Variants in NKAIN2 observed in about 807,000 individuals in gnomAD.
NKAIN2 encodes the protein sodium/potassium transporting ATPase interacting 2.
NKAIN2 carries 14 observed loss-of-function variants against 32.6 expected under a neutral mutation model. The observed-to-expected ratio is 0.43, with a 90% confidence interval of 0.28 to 0.67. The LOEUF is 0.67. NKAIN2 is among the 30% of genes least tolerant of loss of function. The probability of loss-of-function intolerance (pLI) is 0.17; values close to 1 mark genes in which losing one functional copy is unlikely to be tolerated. For missense variants in NKAIN2, 198 were observed against 258.3 expected, an observed-to-expected ratio of 0.77 and a Z score of 1.60; for synonymous variants, 80 against 87.2, an observed-to-expected ratio of 0.92 and a Z score of 0.46.
At chr6:124,772,283 T>C (rs1778791754) in intron 4 of NKAIN2, among the ~76,000 whole-genome samples, 2 of 152,118 alleles carry the variant, frequency 1.3e-5, no homozygotes, top group Non-Finnish European at 2.9e-5. Flanking sequence ...GGTGTAAACA[T>C]TGTCAATGAT....
At chr6:124,303,243 A>G (rs1164113893) in intron 2 of NKAIN2, among the ~76,000 whole-genome samples, 1 of 152,236 alleles carries the variant, frequency 6.6e-6, no homozygotes, top group African/African-American at 2.4e-5. Flanking sequence ...TCTTCCATGA[A>G]ATGACCATAT....
chr6:124,333,828 T>C (rs1428081269), intron 2 of NKAIN2, among the ~76,000 whole-genome samples: 1 of 152,166 alleles, frequency 6.6e-6, no homozygotes, highest in East Asian at 1.9e-4. Context: ...TTTATCCTTT[T>C]TGTCCTTAAA....
At chr6:124,200,152 G>T (rs773261021) in intron 1 of NKAIN2, among the ~76,000 whole-genome samples, 1 of 152,104 alleles carries the variant, frequency 6.6e-6, no homozygotes, top group East Asian at 1.9e-4. Context: ...ATGAAATAAA[G>T]TAAGTTATGA....
chr6:124,591,102 A>G (rs1399271163), intron 3 of NKAIN2, among the ~76,000 whole-genome samples: 3 of 152,226 alleles, frequency 2.0e-5, no homozygotes, highest in African/African-American at 7.2e-5. Context: ...ACATATGCCA[A>G]CTTCCCTTGT....
chr6:124,703,006 G>A (rs1774875207), intron 4 of NKAIN2, among the ~76,000 whole-genome samples: 1 of 152,004 alleles, frequency 6.6e-6, no homozygotes, highest in South Asian at 2.1e-4. Flanking sequence ...GTCATCTTGA[G>A]CTCATGTGCT....
intron 2 of NKAIN2, among the ~76,000 whole-genome samples, chr6:124,297,879 C>CT (rs1026163668): frequency 6.6e-6 from 1 of 152,052 alleles, no homozygotes; most frequent in Admixed American, 6.6e-5. Context: ...GAATCTGAGG[C>CT]TAAAAACCTG....
intron 1 of NKAIN2, among the ~76,000 whole-genome samples, chr6:123,980,884 T>G (rs1778859189): frequency 6.6e-6 from 1 of 151,944 alleles, no homozygotes; most frequent in Non-Finnish European, 1.5e-5. Flanking sequence ...CCTTTTTTTT[T>G]TTTTGAGATG....
chr6:124,364,519 A>G (rs1302702483), intron 3 of NKAIN2, among the ~76,000 whole-genome samples: 2 of 152,046 alleles, frequency 1.3e-5, no homozygotes, highest in Admixed American at 6.6e-5. Flanking sequence ...GAGGTGCCAA[A>G]GATAAAAGAC....
chr6:124,152,634 C>T (rs763921045), intron 1 of NKAIN2, among the ~76,000 whole-genome samples: 5 of 151,800 alleles, frequency 3.3e-5, no homozygotes, highest in East Asian at 1.9e-4. Flanking sequence ...ATAGAATTAC[C>T]GTATGATCCA....
At chr6:124,152,642 C>T (rs995264986) in intron 1 of NKAIN2, among the ~76,000 whole-genome samples, 3 of 151,876 alleles carry the variant, frequency 2.0e-5, no homozygotes, top group Non-Finnish European at 4.4e-5. Context: ...ACCGTATGAT[C>T]CACCAATCCA....
At chr6:124,218,475 G>C (rs1293629111) in intron 1 of NKAIN2, among the ~76,000 whole-genome samples, 1 of 152,058 alleles carries the variant, frequency 6.6e-6, no homozygotes, top group Non-Finnish European at 1.5e-5. Context: ...AACATTTCTT[G>C]ATTCTTAATA....
chr6:124,047,448 C>CTATA (rs552782793), intron 1 of NKAIN2, among the ~76,000 whole-genome samples: 2,989 of 151,108 alleles, frequency 0.02, 54 homozygotes, highest in South Asian at 0.08. Flanking sequence ...CTCTCTCTCT[C>CTATA]TATATATATA....
intron 3 of NKAIN2, among the ~76,000 whole-genome samples, chr6:124,632,695 A>AATAG (rs1272123361): frequency 6.6e-6 from 1 of 152,112 alleles, no homozygotes; most frequent in Non-Finnish European, 1.5e-5. Flanking sequence ...ATCCAAATGA[A>AATAG]ATAGATACAT....
At chr6:124,233,856 A>G (rs1792594860) in intron 1 of NKAIN2, among the ~76,000 whole-genome samples, 1 of 152,182 alleles carries the variant, frequency 6.6e-6, no homozygotes, top group Non-Finnish European at 1.5e-5. Context: ...ACTATACTAT[A>G]CGAACATTCC....
intron 3 of NKAIN2, among the ~76,000 whole-genome samples, chr6:124,540,280 A>G (rs1192833586): frequency 6.6e-6 from 1 of 152,232 alleles, no homozygotes; most frequent in African/African-American, 2.4e-5. Context: ...AGCTCTAGTC[A>G]TTTTGATGTA....
intron 3 of NKAIN2, among the ~76,000 whole-genome samples, chr6:124,632,044 A>C (rs552338896): frequency 2.6e-5 from 4 of 152,174 alleles, no homozygotes; most frequent in Non-Finnish European, 5.9e-5. Flanking sequence ...ATTGACATAT[A>C]AATTAAAATT....
intron 3 of NKAIN2, among the ~76,000 whole-genome samples, chr6:124,509,382 C>G (rs565230944): frequency 3.3e-5 from 5 of 152,340 alleles, no homozygotes; most frequent in African/African-American, 4.8e-5. Context: ...GAGTAGTACA[C>G]TTTACCCATG....
intron 4 of NKAIN2, among the ~76,000 whole-genome samples, chr6:124,687,262 T>TATTC (rs1773952222): frequency 1.4e-5 from 2 of 141,250 alleles, no homozygotes; most frequent in African/African-American, 5.3e-5. Flanking sequence ...CCTATATATA[T>TATTC]TCTCTCTATA....
At chr6:124,036,114 A>G (rs1312759300) in intron 1 of NKAIN2, among the ~76,000 whole-genome samples, 1 of 152,110 alleles carries the variant, frequency 6.6e-6, no homozygotes, top group Non-Finnish European at 1.5e-5. Flanking sequence ...CCCACATGTT[A>G]TATCCATATT....
Sources: allele counts gnomAD v4.1 joint callset (sites outside exome capture counted in the v4.1 genomes callset), GRCh38; gene constraint gnomAD v4.1.1; transcripts MANE v1.5; gene names NCBI Gene and HGNC (gene_info 2026-07-23, HGNC 2026-07-21).